Variants in ZBTB16 observed in about 807,000 individuals in gnomAD.
ZBTB16 encodes the protein zinc finger and BTB domain containing 16, also known as zinc finger and BTB domain-containing protein 16.
A neutral mutation model predicts 56.8 loss-of-function variants in ZBTB16; 8 were observed. The observed-to-expected ratio is 0.14, with a 90% CI of 0.08 to 0.25. ZBTB16 has a LOEUF of 0.25. Ranked by LOEUF, ZBTB16 falls within the 10% of genes least tolerant of loss-of-function variation. ZBTB16 has a pLI of 1.00. For synonymous variants in ZBTB16, 363 were observed against 368.5 expected (o/e 0.98, Z 0.17); for missense variants, 625 against 903.0 (o/e 0.69, Z 3.95).
intron 2 of ZBTB16, among the ~76,000 whole-genome samples, chr11:114,101,865 A>G (rs1458056548): frequency 6.6e-6 from 1 of 152,180 alleles, no homozygotes. Context: ...TTTGTTGCTC[A>G]TTTTTGTATG....
At chr11:114,088,986 G>A (rs1033073377) in intron 2 of ZBTB16, among the ~76,000 whole-genome samples, 1 of 152,154 alleles carries the variant, frequency 6.6e-6, no homozygotes, top group African/African-American at 2.4e-5. Context: ...GCACCCACAG[G>A]GTGACCACGA....
At chr11:114,249,781 AAAAAAAAAGAG>A (rs1160939998) in intron 6 of ZBTB16, among the ~76,000 whole-genome samples, 1 of 147,418 alleles carries the variant, frequency 6.8e-6, no homozygotes, top group Non-Finnish European at 1.5e-5. Flanking sequence ...CAAAAAAAAA[AAAAAAAAAGAG>A]AGCTTTAGCA....
chr11:114,197,935 C>G (rs1943645559), intron 4 of ZBTB16, among the ~76,000 whole-genome samples: 1 of 151,918 alleles, frequency 6.6e-6, no homozygotes, highest in Admixed American at 6.6e-5. Context: ...AGTTCCTGCT[C>G]TCAAGAACAG....
At chr11:114,086,669 C>T (rs1036808015) in intron 2 of ZBTB16, among the ~76,000 whole-genome samples, 2 of 152,198 alleles carry the variant, frequency 1.3e-5, no homozygotes, top group Non-Finnish European at 2.9e-5. Flanking sequence ...ATCCTCACAA[C>T]CACCTGTGAG....
intron 2 of ZBTB16, among the ~76,000 whole-genome samples, chr11:114,087,403 A>G (rs1382852864): frequency 7.2e-6 from 1 of 139,844 alleles, no homozygotes; most frequent in Non-Finnish European, 1.6e-5. Context: ...CAGTCCTGCA[A>G]GGATCTAGAA....
chr11:114,183,102 G>C (rs1397847569), intron 3 of ZBTB16, among the ~76,000 whole-genome samples: 1 of 151,860 alleles, frequency 6.6e-6, no homozygotes, highest in Admixed American at 6.6e-5. Flanking sequence ...CTGGAGAGCT[G>C]GGGGGGAAGT....
Position 114,063,603 on chromosome 11 carries a change from C to T in ZBTB16, c.303C>T (p.Asp101=), listed in dbSNP as rs1938972152. 2 of 1,614,200 alleles carry T rather than the reference C, an allele frequency of 1.2e-6. No individual in the cohort carries two copies. The highest frequency in any genetic ancestry group is 2.2e-5 in the East Asian group (1 of 44,888). Reference sequence around the variant, plus strand: ...AAGCCAAGGCGGAGGACCTGGATGACCTGCTGTATGCGGCCGAGATCCTGG... The same window carrying T: ...AAGCCAAGGCGGAGGACCTGGATGATCTGCTGTATGCGGCCGAGATCCTGG... ...TLQAKAEDLD[D]LLYAAEILEI... The change falls in exon 2 of 7, where the codon GAC becomes GAT. Residue 101 remains aspartate, a synonymous_variant. Transcript: ENST00000335953. The surrounding 1 kb of genome is among the most constrained non-coding windows in gnomAD (Gnocchi z 6.5).
At position 114,253,781 on chromosome 11, in the gene ZBTB16, AG is replaced by A. The variant is rs1384064570; in HGVS notation, c.*3231del. ...TCTAATGTTGCACGGCCTAGTGGCCAGGGGGCAAGCTAAGAGGCTGTCTGGA... is the reference window on the plus strand; with the variant it reads ...TCTAATGTTGCACGGCCTAGTGGCCAGGGGCAAGCTAAGAGGCTGTCTGGA... On this transcript the variant is annotated 3_prime_UTR_variant, in exon 7 of 7. Coordinates refer to ENST00000335953, the MANE Select transcript of ZBTB16 (RefSeq NM_006006.6). Among the ~76,000 whole-genome samples the A allele has an allele frequency of 6.6e-6, 1 of 152,226 alleles. No individual in the cohort carries two copies. Among genetic ancestry groups the A allele is most frequent in the Non-Finnish European group, 1.5e-5 (1 of 68,040 alleles).
chr11:114,226,282 T>C (rs554282533), intron 4 of ZBTB16, among the ~76,000 whole-genome samples: 1 of 152,160 alleles, frequency 6.6e-6, no homozygotes, highest in Non-Finnish European at 1.5e-5. Flanking sequence ...TGAAGAGCAC[T>C]GGACAGAAGA....
chr11:114,144,433 C>T (rs1942045465), intron 2 of ZBTB16, among the ~76,000 whole-genome samples: 1 of 152,206 alleles, frequency 6.6e-6, no homozygotes, highest in Non-Finnish European at 1.5e-5. Context: ...CTGCAGCTTG[C>T]AAAGGGCCTT....
At chr11:114,148,406 TCCCTCCCTCCCTCCCTCC>T in intron 2 of ZBTB16, among the ~76,000 whole-genome samples, 3 of 23,264 alleles carry the variant, frequency 1.3e-4, no homozygotes, top group African/African-American at 4.3e-4. Flanking sequence ...CCTCCCTCCC[TCCCTCCCTCCCTCCCTCC>T]CTCTCTCTCT....
chr11:114,145,609 T>C (rs932219649), intron 2 of ZBTB16, among the ~76,000 whole-genome samples: 2 of 152,186 alleles, frequency 1.3e-5, no homozygotes, highest in Non-Finnish European at 2.9e-5. Flanking sequence ...AGGAAGATAG[T>C]ACATATGTGG....
intron 3 of ZBTB16, among the ~76,000 whole-genome samples, chr11:114,169,089 G>T (rs2135003499): frequency 6.6e-6 from 1 of 152,266 alleles, no homozygotes; most frequent in South Asian, 2.1e-4. Context: ...CTGCCAAGTA[G>T]GAGGGGTAGG....
intron 2 of ZBTB16, among the ~76,000 whole-genome samples, chr11:114,125,201 T>G (rs1439495960): frequency 6.6e-6 from 1 of 152,208 alleles, no homozygotes; most frequent in African/African-American, 2.4e-5. Context: ...CCTTATTTGC[T>G]CTCCATTTCA....
intron 2 of ZBTB16, among the ~76,000 whole-genome samples, chr11:114,136,815 T>C (rs1005635747): frequency 6.6e-6 from 1 of 152,170 alleles, no homozygotes; most frequent in Non-Finnish European, 1.5e-5. Context: ...TCAAGTGTAG[T>C]TTTAACTGCA....
At chr11:114,165,072 C>T (rs1012820228) in intron 3 of ZBTB16, among the ~76,000 whole-genome samples, 9 of 152,004 alleles carry the variant, frequency 5.9e-5, no homozygotes, top group Admixed American at 6.5e-5. Context: ...TCTGTCTCTC[C>T]CTGCCTCCCT....
intron 4 of ZBTB16, among the ~76,000 whole-genome samples, chr11:114,214,260 T>C (rs1169954935): frequency 6.6e-6 from 1 of 152,182 alleles, no homozygotes; most frequent in East Asian, 1.9e-4. Flanking sequence ...TAAGTACTGA[T>C]TAGATTACTG....
chr11:114,089,599 C>G (rs1388278967), intron 2 of ZBTB16, among the ~76,000 whole-genome samples: 1 of 152,202 alleles, frequency 6.6e-6, no homozygotes, highest in East Asian at 1.9e-4. Flanking sequence ...GCCTGGGAAT[C>G]CTCCTCTCTC....
chr11:114,241,233 T>TA (rs60753205), intron 4 of ZBTB16, among the ~76,000 whole-genome samples: 14,058 of 142,962 alleles, frequency 0.098, 2,143 homozygotes, highest in African/African-American at 0.33. Context: ...GAGAAGTAGT[T>TA]AAAAAAAAAA....
Sources: allele counts gnomAD v4.1 joint callset (sites outside exome capture counted in the v4.1 genomes callset), GRCh38; gene constraint gnomAD v4.1.1; non-coding constraint Gnocchi (gnomAD v3.1); transcripts MANE v1.5; gene names NCBI Gene and HGNC (gene_info 2026-07-23, HGNC 2026-07-21).